The following JMJD1C variants were observed in gnomAD, a reference collection of about 807,000 sequenced individuals.
JMJD1C encodes jumonji domain containing 1C.
In JMJD1C, 31 loss-of-function variants were observed where a neutral mutation model predicts 245.3. The ratio of observed to expected loss-of-function variants is 0.13; its 90% CI spans 0.09 to 0.17. The LOEUF (loss-of-function observed/expected upper bound fraction) is 0.17. Ranked by LOEUF, JMJD1C falls within the 10% of genes least tolerant of loss-of-function variation. JMJD1C has a pLI of 1.00. For synonymous variants in JMJD1C, 1,057 were observed against 1,017.4 expected, an observed-to-expected ratio of 1.04 and a Z score of -0.74; for missense variants, 2,691 against 3,000.2, an observed-to-expected ratio of 0.90 and a Z score of 2.41.
intron 1 of JMJD1C, among the ~76,000 whole-genome samples, chr10:63,435,123 T>C (rs894271681): frequency 6.6e-6 from 1 of 152,234 alleles, no homozygotes; most frequent in African/African-American, 2.4e-5. Context: ...AATCTTCTCA[T>C]ATAAATCACC....
At chr10:63,366,047 T>C (rs974384972) in intron 2 of JMJD1C, among the ~76,000 whole-genome samples, 2 of 152,152 alleles carry the variant, frequency 1.3e-5, no homozygotes, top group African/African-American at 4.8e-5. Context: ...AAGGAACATA[T>C]CATTATAATG....
chr10:63,419,387 G>GA (rs202142767), intron 1 of JMJD1C, among the ~76,000 whole-genome samples: 45 of 151,472 alleles, frequency 3.0e-4, no homozygotes, highest in South Asian at 1.5e-3. Flanking sequence ...ACTCTGTCTC[G>GA]AAAAAAAATA....
chr10:63,521,536 C>T, intron 1 of JMJD1C: 1 of 1,431,282 alleles, frequency 7.0e-7, no homozygotes, highest in Non-Finnish European at 9.2e-7. Context: ...GGGCCCAAGC[C>T]CCCGTGAAGA....
At chr10:63,212,301 C>T (rs772021881) in intron 8 of JMJD1C, among the ~76,000 whole-genome samples, 9 of 152,156 alleles carry the variant, frequency 5.9e-5, no homozygotes, top group Non-Finnish European at 1.2e-4. Flanking sequence ...TAAGATGGCA[C>T]ATTTAATATT....
intron 10 of JMJD1C, chr10:63,204,461 T>C (rs1368159424): frequency 2.0e-6 from 2 of 985,214 alleles, no homozygotes; most frequent in Non-Finnish European, 2.4e-6. Context: ...AAGAGTTTTC[T>C]AGGCATTAAA....
At position 63,208,806 on chromosome 10, in the gene JMJD1C, A is replaced by G. The variant is rs541825109; in HGVS notation, c.2868-5T>C. On this transcript the variant is annotated splice_polypyrimidine_tract_variant and splice_region_variant and intron_variant, in intron 9 of 25. Transcript: ENST00000399262. ...AAAGCTTTTCTTTCTAATTCTCTGT[A>G]AAGAAAATACACAAATATTTCTGTA... 2.3e-5 allele frequency: 36 copies of G among 1,559,990 alleles called. No homozygotes were observed. In the East Asian group the frequency reaches 7.2e-4, roughly 31 times the overall value.
chr10:63,465,437 G>C (rs1426469210), intron 1 of JMJD1C, 58 bp downstream of exon 1: 1 of 1,486,868 alleles, frequency 6.7e-7, no homozygotes, highest in African/African-American at 1.4e-5. Flanking sequence ...TGCAAGGTAC[G>C]TCTGCGAGAG....
At chr10:63,512,380 C>T (rs1237597147) in intron 1 of JMJD1C, among the ~76,000 whole-genome samples, 1 of 151,998 alleles carries the variant, frequency 6.6e-6, no homozygotes, top group East Asian at 1.9e-4. Flanking sequence ...TCTTACAAAT[C>T]GGATTTGCAA....
chr10:63,413,833 C>T (rs1424248787), intron 1 of JMJD1C, among the ~76,000 whole-genome samples: 4 of 151,922 alleles, frequency 2.6e-5, no homozygotes, highest in Non-Finnish European at 5.9e-5. Context: ...ATTGCTAACA[C>T]TGAAAAATAC....
At chr10:63,465,244 G>A (rs1953128771) in intron 1 of JMJD1C, 4 of 438,442 alleles carry the variant, frequency 9.1e-6, no homozygotes, top group East Asian at 7.3e-5. Context: ...ACCCCTCCGG[G>A]ATGGGGGCCA....
chr10:63,186,964 A>C (rs1844203260), intron 18 of JMJD1C, among the ~76,000 whole-genome samples: 3 of 152,144 alleles, frequency 2.0e-5, no homozygotes. Context: ...CTGAGCTGGG[A>C]GGATTGCTTG....
chr10:63,492,744 C>T lies in JMJD1C; in HGVS notation n.113+28994G>A, dbSNP rs78336767. On this transcript the variant is annotated intron_variant and non_coding_transcript_variant, in intron 1 of 3. Coordinates refer to the JMJD1C transcript ENST00000633035. ...TAAAAAGCACATTAATAAAAATAAT[C>T]ACTAAAAATATAAGAAAAAGGGAAA... 8.8e-3 allele frequency among the ~76,000 whole-genome samples: 1,344 copies of T among 151,990 alleles called. 14 individuals carry two copies. The highest frequency in any genetic ancestry group is 0.035 in the East Asian group (183 of 5,178).
intron 1 of JMJD1C, among the ~76,000 whole-genome samples, chr10:63,487,744 T>C (rs140206398): frequency 6.6e-6 from 1 of 152,328 alleles, no homozygotes; most frequent in East Asian, 1.9e-4. Context: ...AATGTTCAAA[T>C]GGCTGACATG....
At chr10:63,408,484 C>T (rs977840706) in intron 1 of JMJD1C, among the ~76,000 whole-genome samples, 1 of 151,668 alleles carries the variant, frequency 6.6e-6, no homozygotes, top group Non-Finnish European at 1.5e-5. Flanking sequence ...GAAAAGATCC[C>T]ACAAGTTTCT....
chr10:63,348,105 A>G (rs1474078797), intron 2 of JMJD1C, among the ~76,000 whole-genome samples: 3 of 151,464 alleles, frequency 2.0e-5, no homozygotes, highest in East Asian at 1.9e-4. Flanking sequence ...AATCCCAGCT[A>G]CTTGGTGGGA....
chr10:63,375,183 C>CTTTTTTTTTT (rs67008681), intron 2 of JMJD1C, among the ~76,000 whole-genome samples: 4 of 92,924 alleles, frequency 4.3e-5, no homozygotes, highest in Non-Finnish European at 6.1e-5. Flanking sequence ...TAAAAATTGG[C>CTTTTTTTTTT]TTTTTTTTTT....
At position 63,207,149 on chromosome 10, in the gene JMJD1C, A is replaced by C. The variant is rs965726969; in HGVS notation, c.4520T>G (p.Ile1507Arg). The change falls in exon 10 of 26, where the codon ATA becomes AGA. Residue 1507 changes from isoleucine (I) to arginine (R), a missense_variant. Ile to Arg is a moderately conservative substitution (Grantham distance 97). This residue lies in a region of JMJD1C where 1,562 missense variants were observed against 1,490.7 expected (regional missense o/e 1.05). Coordinates refer to ENST00000399262, the MANE Select transcript of JMJD1C (RefSeq NM_032776.3). ...SNASETEPNA[I>R]KNQTLSASLP... Reference sequence around the variant, plus strand: ...GGAGGCTGAAAGTGTCTGATTTTTTATAGCATTAGGTTCAGTCTCACTGGC... The same window carrying C: ...GGAGGCTGAAAGTGTCTGATTTTTTCTAGCATTAGGTTCAGTCTCACTGGC... The C allele has an allele frequency of 1.2e-6, 2 of 1,614,132 alleles. No homozygotes were observed. Among genetic ancestry groups the C allele is most frequent in the Admixed American group, 3.3e-5 (2 of 60,012 alleles).
At chr10:63,192,660 G>A (rs533519699) in intron 16 of JMJD1C, among the ~76,000 whole-genome samples, 27 of 152,248 alleles carry the variant, frequency 1.8e-4, no homozygotes, top group Admixed American at 1.6e-3. Flanking sequence ...GCCTGGGCCT[G>A]AGAGGTCAAG....
intron 1 of JMJD1C, 74 bp from the exon 2 acceptor site, chr10:63,380,556 A>C: frequency 8.9e-7 from 1 of 1,119,400 alleles, no homozygotes; most frequent in Non-Finnish European, 1.3e-6. Flanking sequence ...AATGCATAAT[A>C]ATTGTACATA....
Sources: allele counts gnomAD v4.1 joint callset (sites outside exome capture counted in the v4.1 genomes callset), GRCh38; gene constraint gnomAD v4.1.1; regional missense constraint gnomAD v4.1.1; transcripts MANE v1.5; gene names NCBI Gene and HGNC (gene_info 2026-07-23, HGNC 2026-07-21).